The following HHAT variants were observed in gnomAD, a reference collection of about 807,000 sequenced individuals.
HHAT encodes the protein protein-cysteine N-palmitoyltransferase HHAT.
In HHAT, 47 loss-of-function variants were observed where a neutral mutation model predicts 70.8. The ratio of observed to expected loss-of-function variants is 0.66; its 90% confidence interval spans 0.53 to 0.85. The LOEUF (loss-of-function observed/expected upper bound fraction) is 0.85. Ranked by LOEUF, HHAT falls within the 40% of genes least tolerant of loss-of-function variation. HHAT has a pLI of 0.00. For synonymous variants in HHAT, 228 were observed against 247.6 expected (o/e 0.92, Z 0.74); for missense variants, 609 against 604.8 (o/e 1.01, Z -0.07).
intron 8 of HHAT, among the ~76,000 whole-genome samples, chr1:210,498,222 G>A (rs1301534535): frequency 6.6e-6 from 1 of 152,132 alleles, no homozygotes; most frequent in African/African-American, 2.4e-5. Context: ...GAAGAACAAG[G>A]TTTGGGGTAC....
intron 7 of HHAT, among the ~76,000 whole-genome samples, chr1:210,432,897 T>C (rs2093285061): frequency 6.6e-6 from 1 of 151,780 alleles, no homozygotes; most frequent in Non-Finnish European, 1.5e-5. Flanking sequence ...CTTTGGGCCC[T>C]GGTGGCAGCC....
At chr1:210,360,865 T>A (rs911396216) in intron 2 of HHAT, among the ~76,000 whole-genome samples, 5 of 147,654 alleles carry the variant, frequency 3.4e-5, no homozygotes, top group African/African-American at 1.2e-4. Flanking sequence ...TTTTTTTTTT[T>A]AACTTTGTGG....
intron 5 of HHAT, among the ~76,000 whole-genome samples, chr1:210,401,563 A>C (rs77019515): frequency 0.012 from 1,890 of 152,270 alleles, 50 homozygotes; most frequent in African/African-American, 0.042. Context: ...CCACCTATCC[A>C]TTGTTGGTGC....
At chr1:210,535,071 A>G (rs1205026862) in intron 9 of HHAT, among the ~76,000 whole-genome samples, 1 of 152,040 alleles carries the variant, frequency 6.6e-6, no homozygotes, top group African/African-American at 2.4e-5. Context: ...TGCTTTTTGT[A>G]GAATTGTTTA....
intron 1 of HHAT, among the ~76,000 whole-genome samples, chr1:210,347,101 G>A (rs546939527): frequency 3.9e-4 from 60 of 152,284 alleles, no homozygotes; most frequent in African/African-American, 1.4e-3. Context: ...TAATCACCAT[G>A]CTGTATAATA....
chr1:210,369,002 C>T (rs1034484355), intron 3 of HHAT, among the ~76,000 whole-genome samples: 29 of 151,900 alleles, frequency 1.9e-4, no homozygotes, highest in Non-Finnish European at 8.8e-5. Context: ...CGCTTGAACC[C>T]GGGAGGCGGA....
chr1:210,368,247 G>C (rs987320478), intron 3 of HHAT, among the ~76,000 whole-genome samples: 1 of 152,124 alleles, frequency 6.6e-6, no homozygotes, highest in African/African-American at 2.4e-5. Context: ...GTTTGGAGTT[G>C]GATGGGCTTA....
chr1:210,365,316 T>TTC (rs1553326948), intron 3 of HHAT, among the ~76,000 whole-genome samples: 1 of 105,400 alleles, frequency 9.5e-6, no homozygotes, highest in African/African-American at 3.5e-5. Flanking sequence ...ACAGTTTTTT[T>TTC]TTTTTTTTTT....
chr1:210,607,408 G>A (rs1665706534), intron 10 of HHAT, among the ~76,000 whole-genome samples: 1 of 152,086 alleles, frequency 6.6e-6, no homozygotes, highest in Non-Finnish European at 1.5e-5. Flanking sequence ...GAGGAGTTTT[G>A]TTTCCTATCA....
chr1:210,470,035 G>A (rs555538089), intron 8 of HHAT, among the ~76,000 whole-genome samples: 1 of 151,924 alleles, frequency 6.6e-6, no homozygotes, highest in Admixed American at 6.6e-5. Flanking sequence ...GTAGAGGAAG[G>A]GTCTCTACTG....
At chr1:210,637,018 C>A (rs557001871) in intron 11 of HHAT, among the ~76,000 whole-genome samples, 1 of 152,216 alleles carries the variant, frequency 6.6e-6, no homozygotes, top group East Asian at 1.9e-4. Context: ...CAAATTCCCA[C>A]CTGTAAATTG....
intron 1 of HHAT, among the ~76,000 whole-genome samples, chr1:210,335,857 A>T (rs906749310): frequency 2.0e-5 from 3 of 152,238 alleles, no homozygotes; most frequent in Non-Finnish European, 2.9e-5. Context: ...TGACCTAGGG[A>T]CAAGGTTTCT....
At chr1:210,651,496 C>A (rs935489039) in intron 11 of HHAT, among the ~76,000 whole-genome samples, 2 of 152,016 alleles carry the variant, frequency 1.3e-5, no homozygotes, top group African/African-American at 4.8e-5. Context: ...GAGAAGAGGC[C>A]CCTGGCAGCT....
At chr1:210,390,821 G>T (rs1328339704) in intron 4 of HHAT, among the ~76,000 whole-genome samples, 1 of 152,158 alleles carries the variant, frequency 6.6e-6, no homozygotes, top group East Asian at 1.9e-4. Context: ...TGCTGCAAAA[G>T]ACATTATTTC....
intron 7 of HHAT, among the ~76,000 whole-genome samples, chr1:210,454,074 C>T (rs1198183640): frequency 2.0e-5 from 3 of 152,126 alleles, no homozygotes; most frequent in Non-Finnish European, 4.4e-5. Flanking sequence ...CTTACTATCA[C>T]GAGAATAGCG....
chr1:210,499,865 C>T (rs1482849187), intron 8 of HHAT, among the ~76,000 whole-genome samples: 1 of 151,988 alleles, frequency 6.6e-6, no homozygotes, highest in Non-Finnish European at 1.5e-5. Context: ...AATGGGAATT[C>T]TTAAAGCTCC....
chr1:210,587,477 A>G (rs892519771), intron 9 of HHAT, among the ~76,000 whole-genome samples: 5 of 152,096 alleles, frequency 3.3e-5, no homozygotes, highest in African/African-American at 7.2e-5. Flanking sequence ...GGGAGCTACA[A>G]TTCAAGATGA....
chr1:210,420,670 A>G (rs1486604748), intron 7 of HHAT, among the ~76,000 whole-genome samples: 1 of 133,950 alleles, frequency 7.5e-6, no homozygotes. Context: ...TAAAATTTAA[A>G]AAAACAAAAA....
intron 3 of HHAT, among the ~76,000 whole-genome samples, chr1:210,370,163 C>CTTTTT (rs200442278): frequency 1.6e-5 from 2 of 122,384 alleles, no homozygotes; most frequent in African/African-American, 6.8e-5. Flanking sequence ...TCTTCAATGA[C>CTTTTT]TTTTTTTTTT....
Sources: allele counts gnomAD v4.1 joint callset (sites outside exome capture counted in the v4.1 genomes callset), GRCh38; gene constraint gnomAD v4.1.1; transcripts MANE v1.5; gene names NCBI Gene and HGNC (gene_info 2026-07-23, HGNC 2026-07-21).